Variants in TEF observed in about 807,000 individuals in gnomAD.
TEF encodes thyrotroph embryonic factor.
TEF carries 3 observed loss-of-function variants against 20.8 expected under a neutral mutation model. The observed-to-expected ratio is 0.14, with a 90% CI of 0.07 to 0.37. The LOEUF (loss-of-function observed/expected upper bound fraction) is 0.37, where lower values mean the gene tolerates loss of function less well. Ranked by LOEUF, TEF falls within the 10% of genes least tolerant of loss-of-function variation. The pLI, the probability that TEF is intolerant of heterozygous loss-of-function variation, is 1.00. For missense variants in TEF, 296 were observed against 397.9 expected (o/e 0.74, Z 2.18); for synonymous variants, 180 against 171.1 (o/e 1.05, Z -0.41).
chr22:41,390,039 A>T (rs183115843), intron 2 of TEF, among the ~76,000 whole-genome samples: 46 of 151,644 alleles, frequency 3.0e-4, no homozygotes, highest in African/African-American at 1.1e-3. Flanking sequence ...AGCTGGTATT[A>T]CAGGTGTGCG....
intron 1 of TEF, among the ~76,000 whole-genome samples, chr22:41,368,559 C>T (rs1046732572): frequency 3.3e-5 from 5 of 152,198 alleles, no homozygotes; most frequent in Admixed American, 2.0e-4. Context: ...CCACAGCCCC[C>T]GGCCTCCCTT....
At chr22:41,390,008 T>C (rs994949113) in intron 2 of TEF, among the ~76,000 whole-genome samples, 14 of 151,956 alleles carry the variant, frequency 9.2e-5, no homozygotes, top group Admixed American at 2.0e-4. Flanking sequence ...TAAGCGATTC[T>C]CCTGCCTCAG....
At chr22:41,384,839 C>T (rs550288800) in intron 1 of TEF, among the ~76,000 whole-genome samples, 7 of 152,056 alleles carry the variant, frequency 4.6e-5, no homozygotes, top group Non-Finnish European at 8.8e-5. Context: ...TACAAACCTC[C>T]GCCTCCAAGG....
At chr22:41,377,422 A>C (rs1285599104), upstream of TEF, 2 of 152,102 alleles carry the variant, frequency 1.3e-5, no homozygotes, top group Non-Finnish European at 2.9e-5. Context: ...TCAGCCTTTA[A>C]AGTCTTAATC....
chr22:41,373,427 A>T (rs186001902), intron 1 of TEF, among the ~76,000 whole-genome samples: 58 of 152,334 alleles, frequency 3.8e-4, no homozygotes, highest in Admixed American at 3.5e-3. Flanking sequence ...TAACATCAAC[A>T]GTCCATGAAC....
At chr22:41,367,659 C>A in intron 1 of TEF, 1 of 1,500,018 alleles carries the variant, frequency 6.7e-7, no homozygotes, top group South Asian at 1.2e-5. Context: ...GGCGAGGGGG[C>A]AGCCACAGGC....
chr22:41,372,248 CCTT>C (rs2036891177), intron 1 of TEF, among the ~76,000 whole-genome samples: 4 of 152,116 alleles, frequency 2.6e-5, no homozygotes. Flanking sequence ...GTGCCCAGAG[CCTT>C]CTTCTCTACC....
rs2037241574 is a variant in TEF at position 41,397,284 on chromosome 22, C to T, written c.*1324C>T. 4 of 396,260 alleles carry T rather than the reference C, an allele frequency of 1.0e-5. No homozygotes were observed. The highest frequency in any genetic ancestry group is 7.1e-5 in the East Asian group (2 of 27,974). The allele number at this position is 396,260 out of a possible 1,614,324, so 24.5% of individuals were successfully genotyped here. On this transcript the variant is annotated 3_prime_UTR_variant, in exon 4 of 4. Transcript: ENST00000266304. ...AGCTGTGGTCTCCCCTGCCTCACAA[C>T]GACTCCTTTCTCTTGTGTGGCGGGA...
chr22:41,382,889 G>C (rs1279165248), intron 1 of TEF: 4 of 470,958 alleles, frequency 8.5e-6, no homozygotes, highest in African/African-American at 2.0e-5. Flanking sequence ...TCGCCTGGTT[G>C]GTTGGGGCTG....
At chr22:41,375,459 C>T (rs993591792) in intron 1 of TEF, among the ~76,000 whole-genome samples, 4 of 152,176 alleles carry the variant, frequency 2.6e-5, no homozygotes, top group Admixed American at 2.0e-4. Context: ...GTTATTAATG[C>T]TCCAAATGCG....
chr22:41,382,209 C>CGG lies in TEF; in HGVS notation c.157+14_157+15dup. On this transcript the variant is annotated intron_variant, in intron 1 of 3. Transcript: ENST00000266304. ...CGCGCGAGGCGCGCCTCGGTGAGGG[C>CGG]GGGGGGGTGGTCCGCGCGGGCTGGG... The CGG allele has an allele frequency of 1.2e-6, 1 of 833,022 alleles. No individual in the cohort carries two copies. 51.6% of individuals were successfully genotyped at this position (833,022 alleles called of 1,614,324 possible). A position where few individuals can be genotyped will look rare whatever the true frequency, so the allele number is the denominator to read the frequency against.
upstream of TEF, among the ~76,000 whole-genome samples, chr22:41,379,340 G>A (rs1470631607): frequency 6.8e-6 from 1 of 147,950 alleles, no homozygotes; most frequent in African/African-American, 2.6e-5. Flanking sequence ...CTCTGTCTCG[G>A]AAAAAAGAAA....
intron 1 of TEF, among the ~76,000 whole-genome samples, chr22:41,385,409 T>C (rs1476766608): frequency 2.6e-5 from 4 of 152,250 alleles, no homozygotes; most frequent in Admixed American, 2.6e-4. Flanking sequence ...AACATCTTTA[T>C]CCTTATGTAC....
intron 1 of TEF, among the ~76,000 whole-genome samples, chr22:41,370,937 A>G (rs2036876435): frequency 6.6e-6 from 1 of 151,980 alleles, no homozygotes; most frequent in African/African-American, 2.4e-5. Flanking sequence ...AGTTCAAACA[A>G]TTTCTCTTTT....
At chr22:41,386,460 GC>G (rs1227037926) in intron 1 of TEF, among the ~76,000 whole-genome samples, 1 of 151,316 alleles carries the variant, frequency 6.6e-6, no homozygotes, top group African/African-American at 2.4e-5. Flanking sequence ...AATAAAACAG[GC>G]TGGGCGTGGT....
At position 41,396,584 on chromosome 22, in the gene TEF, C is replaced by T. The variant is rs1195019045; in HGVS notation, c.*624C>T. On this transcript the variant is annotated 3_prime_UTR_variant, in exon 4 of 4. Coordinates refer to ENST00000266304, the MANE Select transcript of TEF (RefSeq NM_003216.4). ...GGCTGGGGCCTGCAGCAGAAGTGTG[C>T]CCAGCGTTTCTCGGCTCCCGCACCC... The T allele has an allele frequency of 5.7e-5, 11 of 191,368 alleles. No homozygotes were observed. The highest frequency in any genetic ancestry group is 1.2e-4 in the Non-Finnish European group (11 of 94,566). The allele number at this position is 191,368 out of a possible 1,614,324, so 11.9% of individuals were successfully genotyped here.
rs140154392 is a variant in TEF, at chr22:41,394,307, C to T, written c.687C>T (p.Asp229=). The change falls in exon 3 of 4, where the codon GAC becomes GAT. Residue 229 remains aspartate (D), a synonymous_variant. Transcript: ENST00000266304. ...IKKAKKVFVP[D]EQKDEKYWTR... The stretch of plus-strand genomic sequence containing the variant: ...AGGCCAAGAAGGTCTTTGTCCCCGA[C>T]GAGCAGAAGGTAACCTGGTATTCCT... The T allele has an allele frequency of 7.5e-5, 121 of 1,613,684 alleles. No homozygotes were observed. Among genetic ancestry groups the T allele is most frequent in the Middle Eastern group, 3.3e-4 (2 of 6,084 alleles).
intron 1 of TEF, chr22:41,367,705 G>A (rs559763972): frequency 2.6e-6 from 3 of 1,158,612 alleles, no homozygotes; most frequent in South Asian, 1.4e-5. Context: ...GCCAGGGAGG[G>A]TCTCAGCAGT....
intron 2 of TEF, among the ~76,000 whole-genome samples, chr22:41,390,495 C>CTTTT (rs11358311): frequency 7.7e-4 from 62 of 80,362 alleles, no homozygotes; most frequent in South Asian, 1.1e-3. Flanking sequence ...TCATTGTCAT[C>CTTTT]TTTTTTTTTT....
Sources: allele counts gnomAD v4.1 joint callset (sites outside exome capture counted in the v4.1 genomes callset), GRCh38; gene constraint gnomAD v4.1.1; transcripts MANE v1.5; gene names NCBI Gene and HGNC (gene_info 2026-07-23, HGNC 2026-07-21).